Variants in THRB observed in about 807,000 individuals in gnomAD.
The protein encoded by THRB is thyroid hormone receptor beta.
THRB carries 12 observed loss-of-function variants against 47.8 expected under a neutral mutation model. The observed-to-expected ratio is 0.25, with a 90% CI of 0.16 to 0.41. The LOEUF (loss-of-function observed/expected upper bound fraction) is 0.41, where lower values mean the gene tolerates loss of function less well. THRB is among the 10% of genes least tolerant of loss of function. The pLI is 1.00. For synonymous variants in THRB, 218 were observed against 212.2 expected, an observed-to-expected ratio of 1.03 and a Z score of -0.24; for missense variants, 348 against 589.2, an observed-to-expected ratio of 0.59 and a Z score of 4.24.
intron 1 of THRB, among the ~76,000 whole-genome samples, chr3:24,338,479 A>T (rs1451442837): frequency 6.6e-6 from 1 of 152,206 alleles, no homozygotes; most frequent in Non-Finnish European, 1.5e-5. Context: ...TGTGGGCTTG[A>T]ACCACGCTAA....
At chr3:24,288,850 A>T (rs2055616874) in intron 3 of THRB, among the ~76,000 whole-genome samples, 1 of 152,202 alleles carries the variant, frequency 6.6e-6, no homozygotes, top group Admixed American at 6.5e-5. Flanking sequence ...TTGTTTTGTG[A>T]AACTTTTGTT....
intron 3 of THRB, among the ~76,000 whole-genome samples, chr3:24,292,659 G>A (rs979946680): frequency 1.3e-5 from 2 of 152,174 alleles, no homozygotes; most frequent in Non-Finnish European, 1.5e-5. Flanking sequence ...CTGGCAAATA[G>A]TGGACTCTCA....
chr3:24,495,034 G>A (rs987005875), upstream of THRB: 1 of 152,234 alleles, frequency 6.6e-6, no homozygotes, highest in East Asian at 1.9e-4. Context: ...ACTTTTATAG[G>A]CGTAGGAAGC....
intron 3 of THRB, among the ~76,000 whole-genome samples, chr3:24,235,376 T>C (rs1431986480): frequency 2.6e-5 from 4 of 152,170 alleles, no homozygotes; most frequent in Non-Finnish European, 5.9e-5. Context: ...TGAGTCATTG[T>C]TTATCCAACC....
chr3:24,388,753 A>C (rs1357005731), intron 1 of THRB, among the ~76,000 whole-genome samples: 1 of 152,020 alleles, frequency 6.6e-6, no homozygotes, highest in Non-Finnish European at 1.5e-5. Context: ...CTGATGGTTC[A>C]TGACTGATGC....
At chr3:24,203,822 T>C (rs1210040003) in intron 4 of THRB, among the ~76,000 whole-genome samples, 1 of 152,214 alleles carries the variant, frequency 6.6e-6, no homozygotes, top group Non-Finnish European at 1.5e-5. Flanking sequence ...ACTGCACTTT[T>C]CCAATGGCCT....
chr3:24,492,503 A>G (rs1698307532), intron 1 of THRB, among the ~76,000 whole-genome samples: 1 of 152,188 alleles, frequency 6.6e-6, no homozygotes, highest in Admixed American at 6.5e-5. Flanking sequence ...GGGCGAAGAA[A>G]CCAATCACCT....
At chr3:24,313,897 T>A (rs893871394) in intron 2 of THRB, among the ~76,000 whole-genome samples, 1 of 152,206 alleles carries the variant, frequency 6.6e-6, no homozygotes, top group Non-Finnish European at 1.5e-5. Flanking sequence ...AGACATTTAT[T>A]GTAGCTTCCC....
chr3:24,189,586 A>G (rs963358332), intron 5 of THRB, among the ~76,000 whole-genome samples: 1 of 152,182 alleles, frequency 6.6e-6, no homozygotes, highest in Non-Finnish European at 1.5e-5. Context: ...ATGATGACAC[A>G]AGGATTTAAT....
At chr3:24,326,811 C>T (rs1379999971) in intron 2 of THRB, among the ~76,000 whole-genome samples, 1 of 118,828 alleles carries the variant, frequency 8.4e-6, no homozygotes, top group African/African-American at 3.4e-5. Flanking sequence ...GTCACCCAGG[C>T]TAGAGTGCAG....
At chr3:24,480,400 A>G (rs564767962) in intron 1 of THRB, among the ~76,000 whole-genome samples, 2 of 152,340 alleles carry the variant, frequency 1.3e-5, no homozygotes, top group Admixed American at 6.5e-5. Context: ...CACTTCCTTC[A>G]GACCATTAGA....
chr3:24,173,113 C>G (rs542765403), intron 5 of THRB, among the ~76,000 whole-genome samples: 2 of 152,244 alleles, frequency 1.3e-5, no homozygotes, highest in African/African-American at 4.8e-5. Flanking sequence ...TTCTGCAGCC[C>G]ACCCCAGACC....
chr3:24,405,715 T>C (rs145682799), intron 1 of THRB, among the ~76,000 whole-genome samples: 21 of 151,904 alleles, frequency 1.4e-4, no homozygotes, highest in South Asian at 6.2e-4. Context: ...CATTGACTAT[T>C]TTGCTTTTTT....
At chr3:24,254,612 G>A (rs1340329776) in intron 3 of THRB, among the ~76,000 whole-genome samples, 1 of 152,174 alleles carries the variant, frequency 6.6e-6, no homozygotes, top group Non-Finnish European at 1.5e-5. Context: ...AGCCTTACAG[G>A]CATTTAATAA....
intron 4 of THRB, among the ~76,000 whole-genome samples, chr3:24,200,018 C>T (rs1299993561): frequency 6.6e-6 from 1 of 152,084 alleles, no homozygotes; most frequent in Non-Finnish European, 1.5e-5. Context: ...TAATTCATAC[C>T]GGATTTAATC....
chr3:24,172,915 A>C (rs1377881002), intron 5 of THRB, among the ~76,000 whole-genome samples: 1 of 152,172 alleles, frequency 6.6e-6, no homozygotes, highest in African/African-American at 2.4e-5. Context: ...GATACCACAA[A>C]CTTAGCTACA....
intron 3 of THRB, among the ~76,000 whole-genome samples, chr3:24,292,577 C>G (rs137925823): frequency 1.3e-5 from 2 of 152,138 alleles, no homozygotes; most frequent in African/African-American, 4.8e-5. Context: ...CCTGGCTCGA[C>G]GTTAAGCTTC....
At chr3:24,356,211 T>C (rs2063662696) in intron 1 of THRB, among the ~76,000 whole-genome samples, 1 of 152,068 alleles carries the variant, frequency 6.6e-6, no homozygotes, top group Non-Finnish European at 1.5e-5. Context: ...AATAATCCTC[T>C]TTGGTTTGAT....
intron 7 of THRB, chr3:24,144,138 G>C (rs757269936): frequency 2.1e-5 from 4 of 193,586 alleles, no homozygotes; most frequent in Non-Finnish European, 4.4e-5. Flanking sequence ...GAGAACTTCA[G>C]GTTAAAGAAA....
Sources: allele counts gnomAD v4.1 joint callset (sites outside exome capture counted in the v4.1 genomes callset), GRCh38; gene constraint gnomAD v4.1.1; transcripts MANE v1.5; gene names NCBI Gene and HGNC (gene_info 2026-07-23, HGNC 2026-07-21).